Variants in RANBP17 observed in about 807,000 individuals in gnomAD.
RANBP17 encodes RAN binding protein 17.
In RANBP17, 158 loss-of-function variants were observed where a neutral mutation model predicts 141.2. The observed-to-expected ratio is 1.12, with a 90% CI of 0.98 to 1.28. The LOEUF is 1.28. Among genes scored for constraint, RANBP17 ranks in the 50% most tolerant of loss-of-function variants. RANBP17 has a pLI of 0.00. For missense variants in RANBP17, 1,438 were observed against 1,290.7 expected (o/e 1.11, Z -1.75); for synonymous variants, 430 against 450.0 (o/e 0.96, Z 0.56).
At chr5:171,237,738 C>T (rs1203996603) in intron 22 of RANBP17, among the ~76,000 whole-genome samples, 7 of 152,212 alleles carry the variant, frequency 4.6e-5, no homozygotes, top group Non-Finnish European at 7.3e-5. Context: ...ATGCCATCAT[C>T]TCCTAGCTGT....
intron 25 of RANBP17, among the ~76,000 whole-genome samples, chr5:171,274,149 T>TGTGTGC (rs34291143): frequency 0.013 from 1,606 of 126,746 alleles, 22 homozygotes; most frequent in Admixed American, 0.029. Context: ...TGTGTGTGTG[T>TGTGTGC]GCGCGCGCGC....
At chr5:170,985,294 A>G (rs1167211253) in intron 14 of RANBP17, among the ~76,000 whole-genome samples, 1 of 152,134 alleles carries the variant, frequency 6.6e-6, no homozygotes, top group East Asian at 1.9e-4. Context: ...AAACCTTATC[A>G]GTGAGTGAAA....
chr5:171,039,076 C>G (rs922208428), intron 14 of RANBP17, among the ~76,000 whole-genome samples: 2 of 151,956 alleles, frequency 1.3e-5, no homozygotes, highest in African/African-American at 4.8e-5. Flanking sequence ...GATTTCTTTT[C>G]TTTTGGTTAT....
chr5:171,088,277 A>G (rs1434794396), intron 14 of RANBP17, among the ~76,000 whole-genome samples: 1 of 152,146 alleles, frequency 6.6e-6, no homozygotes, highest in Non-Finnish European at 1.5e-5. Context: ...TTCTTTAAGA[A>G]TGTTGAATAT....
intron 3 of RANBP17, among the ~76,000 whole-genome samples, chr5:170,884,944 C>T (rs1192594289): frequency 1.3e-5 from 2 of 151,902 alleles, no homozygotes; most frequent in East Asian, 3.9e-4. Flanking sequence ...TTGTTAGATT[C>T]CCTAGTAGGT....
At position 170,911,132 on chromosome 5, in the gene RANBP17, CAAGT is replaced by C; in HGVS notation, c.760+2_760+5del. On this transcript the variant is annotated splice_donor_variant and coding_sequence_variant, in exon 7 of 28. Coordinates refer to ENST00000523189, the MANE Select transcript of RANBP17 (RefSeq NM_022897.5). LOFTEE classifies it high-confidence loss of function. ...GTGCAGATTCCAACAACTTGGAGAA[CAAGT>C]AAGAAAAAACTTTGGTATGAAGGGT... 6.2e-7 allele frequency: 1 copy of C among 1,610,508 alleles called. No individual in the cohort carries two copies. Among genetic ancestry groups the C allele is most frequent in the Non-Finnish European group, 8.5e-7 (1 of 1,177,906 alleles).
chr5:170,894,756 A>T (rs1769969201), intron 4 of RANBP17, among the ~76,000 whole-genome samples: 1 of 151,910 alleles, frequency 6.6e-6, no homozygotes, highest in Non-Finnish European at 1.5e-5. Context: ...TATACTCAGG[A>T]GATCCTACTG....
chr5:170,919,687 T>TAAAATTC (rs967738556), intron 11 of RANBP17, 74 bp downstream of exon 11: 65 of 1,162,286 alleles, frequency 5.6e-5, no homozygotes, highest in Non-Finnish European at 7.5e-5. Context: ...GTTATAAATT[T>TAAAATTC]AAAATTCACC....
intron 5 of RANBP17, chr5:170,897,071 T>G: frequency 2.4e-6 from 2 of 842,890 alleles, no homozygotes; most frequent in Middle Eastern, 7.0e-4. Context: ...CTTAGAAATG[T>G]GGATACCAGC....
At chr5:171,055,824 C>G (rs1008487976) in intron 14 of RANBP17, among the ~76,000 whole-genome samples, 1 of 137,998 alleles carries the variant, frequency 7.2e-6, no homozygotes. Flanking sequence ...GAAAAGCATG[C>G]TATTCGAGTC....
chr5:171,198,401 T>A (rs1242570315), intron 18 of RANBP17, among the ~76,000 whole-genome samples: 2 of 152,152 alleles, frequency 1.3e-5, no homozygotes, highest in Non-Finnish European at 2.9e-5. Context: ...AATGTGAAAT[T>A]GAAGGAAAGA....
At chr5:170,866,046 T>G (rs1767230298) in intron 1 of RANBP17, among the ~76,000 whole-genome samples, 3 of 152,150 alleles carry the variant, frequency 2.0e-5, no homozygotes, top group Admixed American at 2.0e-4. Context: ...TTAGGTATGA[T>G]TGATTGATTG....
At chr5:170,932,989 C>A (rs1021121809) in intron 12 of RANBP17, among the ~76,000 whole-genome samples, 3 of 152,164 alleles carry the variant, frequency 2.0e-5, no homozygotes, top group Non-Finnish European at 4.4e-5. Flanking sequence ...AGGAATGGAA[C>A]CAGCTCCTCT....
intron 14 of RANBP17, among the ~76,000 whole-genome samples, chr5:171,129,850 GAAC>G (rs745711084): frequency 5.3e-5 from 8 of 152,128 alleles, no homozygotes; most frequent in Admixed American, 2.6e-4. Context: ...AGAATGCTTA[GAAC>G]AGGATAGGCC....
chr5:171,035,736 T>C (rs1161766337), intron 14 of RANBP17, among the ~76,000 whole-genome samples: 3 of 136,798 alleles, frequency 2.2e-5, no homozygotes, highest in Non-Finnish European at 4.5e-5. Context: ...TTTCTTTTTT[T>C]GTTTTTTTTT....
At chr5:170,915,590 A>T (rs774709887) in intron 8 of RANBP17, among the ~76,000 whole-genome samples, 6 of 152,060 alleles carry the variant, frequency 3.9e-5, no homozygotes, top group Admixed American at 3.9e-4. Context: ...GAGCACATCT[A>T]AAAAGGGCGT....
intron 12 of RANBP17, among the ~76,000 whole-genome samples, chr5:170,935,767 G>C (rs1026272443): frequency 6.6e-6 from 1 of 152,302 alleles, no homozygotes; most frequent in East Asian, 1.9e-4. Context: ...GAGGCAGTCG[G>C]TCCGTTCTCA....
intron 25 of RANBP17, among the ~76,000 whole-genome samples, chr5:171,281,210 G>T (rs543515241): frequency 6.6e-6 from 1 of 152,304 alleles, no homozygotes; most frequent in South Asian, 2.1e-4. Flanking sequence ...TTGAGTATAT[G>T]CTTCGTTGAG....
intron 12 of RANBP17, among the ~76,000 whole-genome samples, chr5:170,934,417 TC>T (rs1362336176): frequency 6.6e-6 from 1 of 152,186 alleles, no homozygotes; most frequent in Non-Finnish European, 1.5e-5. Context: ...TGCAGTTTCT[TC>T]CTAGTATTGG....
Sources: gnomAD v4.1 joint callset for allele counts (sites outside exome capture counted in the v4.1 genomes callset) on GRCh38, gnomAD v4.1.1 for gene constraint, MANE v1.5 for transcripts, NCBI Gene and HGNC (gene_info 2026-07-23, HGNC 2026-07-21) for gene names.